The following MEGF11 variants were observed in gnomAD, a reference collection of about 807,000 sequenced individuals.
MEGF11 encodes multiple epidermal growth factor-like domains protein 11.
A neutral mutation model predicts 146.6 loss-of-function variants in MEGF11; 126 were observed. The ratio of observed to expected loss-of-function variants is 0.86; its 90% CI spans 0.74 to 1.00. The LOEUF (loss-of-function observed/expected upper bound fraction) is 1.00. Ranked by LOEUF, MEGF11 falls within the 50% of genes least tolerant of loss-of-function variation. The probability of loss-of-function intolerance (pLI) is 0.00; values close to 1 mark genes in which losing one functional copy is unlikely to be tolerated. For synonymous variants in MEGF11, 532 were observed against 583.4 expected (o/e 0.91, Z 1.27); for missense variants, 1,509 against 1,521.2 (o/e 0.99, Z 0.13).
intron 5 of MEGF11, among the ~76,000 whole-genome samples, chr15:66,020,991 C>CAAAAAAAAAAAAAA (rs35364286): frequency 2.8e-5 from 2 of 70,848 alleles, no homozygotes; most frequent in African/African-American, 1.1e-4. Context: ...AACTCCATCT[C>CAAAAAAAAAAAAAA]AAAAAAAAAA....
At position 65,896,465 on chromosome 15, in the gene MEGF11, C is replaced by T. The variant is rs969275010; in HGVS notation, c.*1469G>A. ...ACTTCCTGTAGCAGTATTCCAGCTTCGCAGTCATTTAGTTCCTCTTCTGTG... is the reference window on the plus strand; with the variant it reads ...ACTTCCTGTAGCAGTATTCCAGCTTTGCAGTCATTTAGTTCCTCTTCTGTG... On this transcript the variant is annotated 3_prime_UTR_variant, in exon 26 of 26. Coordinates refer to ENST00000395614, the MANE Select transcript of MEGF11 (RefSeq NM_001385028.1). 6 of 152,620 alleles carry T rather than the reference C, an allele frequency of 3.9e-5. No homozygotes were observed. The highest frequency in any genetic ancestry group is 7.3e-5 in the Non-Finnish European group (5 of 68,042). The allele number at this position is 152,620 out of a possible 1,614,324, so 9.5% of individuals were successfully genotyped here.
At chr15:66,176,107 A>G (rs2090382521) in intron 1 of MEGF11, among the ~76,000 whole-genome samples, 1 of 152,260 alleles carries the variant, frequency 6.6e-6, no homozygotes, top group Non-Finnish European at 1.5e-5. Flanking sequence ...AATCAAAACC[A>G]CAATGAGATG....
At chr15:65,916,373 A>C (rs2078998460) in intron 17 of MEGF11, 97 bp from the exon 18 acceptor site, 5 of 1,426,454 alleles carry the variant, frequency 3.5e-6, no homozygotes, top group Non-Finnish European at 4.7e-6. Context: ...TTTTTTGCTG[A>C]GCATGGGATG....
intron 4 of MEGF11, among the ~76,000 whole-genome samples, chr15:66,096,118 C>G (rs2086542418): frequency 6.6e-6 from 1 of 152,220 alleles, no homozygotes; most frequent in South Asian, 2.1e-4. Context: ...AGCCAGCTCC[C>G]AGCCCTGGCC....
At chr15:66,113,753 C>A (rs1024508799) in intron 4 of MEGF11, among the ~76,000 whole-genome samples, 3 of 152,172 alleles carry the variant, frequency 2.0e-5, no homozygotes, top group Admixed American at 2.0e-4. Flanking sequence ...CGGTGTCGGG[C>A]GCCTGTAGTC....
intron 3 of MEGF11, among the ~76,000 whole-genome samples, chr15:66,119,478 C>A (rs1597102157): frequency 6.6e-6 from 1 of 152,300 alleles, no homozygotes; most frequent in South Asian, 2.1e-4. Context: ...TGGAGGGCAA[C>A]CATGAACTTC....
At chr15:65,956,384 C>T (rs1305101928) in intron 10 of MEGF11, among the ~76,000 whole-genome samples, 2 of 152,200 alleles carry the variant, frequency 1.3e-5, no homozygotes, top group Non-Finnish European at 2.9e-5. Flanking sequence ...GCCTGAGAAG[C>T]CTGCTAGAAT....
intron 5 of MEGF11, among the ~76,000 whole-genome samples, chr15:66,026,063 C>G (rs73481666): frequency 6.6e-6 from 1 of 152,206 alleles, no homozygotes; most frequent in Non-Finnish European, 1.5e-5. Flanking sequence ...GCCAAGGCCC[C>G]GCTCCAGATT....
intron 4 of MEGF11, among the ~76,000 whole-genome samples, chr15:66,102,823 G>T (rs1029669446): frequency 1.3e-5 from 2 of 152,174 alleles, no homozygotes; most frequent in African/African-American, 4.8e-5. Flanking sequence ...TTCCTTCCCA[G>T]AACTGAAAAC....
intron 1 of MEGF11, among the ~76,000 whole-genome samples, chr15:66,250,648 T>G (rs1282780913): frequency 6.6e-6 from 1 of 152,232 alleles, no homozygotes; most frequent in East Asian, 1.9e-4. Flanking sequence ...TGGCTCAGCC[T>G]GTAATCCCAG....
rs143750460 is a variant in MEGF11, at chr15:66,240,398, G to C, written c.-9+13207C>G. Among the ~76,000 whole-genome samples, 14 of 152,362 alleles carry C rather than the reference G, an allele frequency of 9.2e-5. No homozygotes were observed. In the East Asian group the frequency reaches 2.7e-3, roughly 29 times the overall value. On this transcript the variant is annotated intron_variant, in intron 1 of 25. Transcript: ENST00000395614. ...AAGCAGCCAAGGTCCCCTAGAGCTG[G>C]ACTTACAGAAAGGCCACGAAGGGAC...
chr15:66,069,267 T>C (rs2085268035), intron 5 of MEGF11, among the ~76,000 whole-genome samples: 1 of 152,214 alleles, frequency 6.6e-6, no homozygotes, highest in Non-Finnish European at 1.5e-5. Flanking sequence ...GAATGATTAA[T>C]CCGAAACTTT....
intron 5 of MEGF11, among the ~76,000 whole-genome samples, chr15:66,046,561 G>T (rs764290013): frequency 6.6e-6 from 1 of 152,240 alleles, no homozygotes; most frequent in African/African-American, 2.4e-5. Flanking sequence ...GCTGCAGGCT[G>T]AGGGCCTCAG....
At chr15:66,253,154 C>T (rs960179802) in intron 1 of MEGF11, among the ~76,000 whole-genome samples, 12 of 152,236 alleles carry the variant, frequency 7.9e-5, no homozygotes, top group Non-Finnish European at 1.8e-4. Context: ...CTCCCGACCC[C>T]GGCGGGGAAG....
At chr15:66,118,304 T>C (rs1674618095) in intron 4 of MEGF11, among the ~76,000 whole-genome samples, 1 of 152,068 alleles carries the variant, frequency 6.6e-6, no homozygotes, top group South Asian at 2.1e-4. Context: ...AGAGATTAAG[T>C]GTCTTGCCGA....
intron 1 of MEGF11, among the ~76,000 whole-genome samples, chr15:66,203,755 T>C (rs1246252357): frequency 6.6e-6 from 1 of 152,212 alleles, no homozygotes; most frequent in African/African-American, 2.4e-5. Context: ...CAATAATGAA[T>C]AGCTATAAGA....
chr15:66,042,521 T>TG (rs556063676), intron 5 of MEGF11, among the ~76,000 whole-genome samples: 6 of 152,106 alleles, frequency 3.9e-5, no homozygotes, highest in Non-Finnish European at 7.4e-5. Flanking sequence ...CTCAGAGCAC[T>TG]GGGGGGGAAC....
intron 5 of MEGF11, among the ~76,000 whole-genome samples, chr15:66,042,398 C>T (rs971981540): frequency 7.9e-5 from 12 of 152,082 alleles, no homozygotes; most frequent in African/African-American, 2.9e-4. Flanking sequence ...GCATGAGCCA[C>T]CACACCCGGC....
chr15:66,221,410 C>T (rs536683236), intron 1 of MEGF11, among the ~76,000 whole-genome samples: 2 of 152,236 alleles, frequency 1.3e-5, no homozygotes, highest in South Asian at 4.1e-4. Context: ...ATCCCTCCTT[C>T]CACTGACAGC....
Sources: allele counts gnomAD v4.1 joint callset (sites outside exome capture counted in the v4.1 genomes callset), GRCh38; gene constraint gnomAD v4.1.1; transcripts MANE v1.5; gene names NCBI Gene and HGNC (gene_info 2026-07-23, HGNC 2026-07-21).